Variants in MAGI2 observed in about 807,000 individuals in gnomAD.
MAGI2 encodes membrane associated guanylate kinase, WW and PDZ domain containing 2.
MAGI2 carries 35 observed loss-of-function variants against 133.3 expected under a neutral mutation model. The observed-to-expected ratio is 0.26, with a 90% CI of 0.20 to 0.35. MAGI2 has a LOEUF of 0.35. Among genes scored for constraint, MAGI2 ranks in the 10% least tolerant of loss-of-function variants. MAGI2 has a pLI of 1.00. For synonymous variants in MAGI2, 729 were observed against 710.6 expected (o/e 1.03, Z -0.41); for missense variants, 1,636 against 1,863.4 (o/e 0.88, Z 2.25).
chr7:78,275,475 TCAG>T (rs1794972537), intron 9 of MAGI2, among the ~76,000 whole-genome samples: 1 of 33,792 alleles, frequency 3.0e-5, no homozygotes, highest in African/African-American at 7.2e-4. Context: ...GGAGAATCAC[TCAG>T]TGACAGAATT....
chr7:79,158,816 G>A (rs1824068112), intron 1 of MAGI2, among the ~76,000 whole-genome samples: 1 of 151,888 alleles, frequency 6.6e-6, no homozygotes, highest in Admixed American at 6.6e-5. Context: ...TGGAATAAAT[G>A]CTTGAAACAA....
chr7:79,127,885 C>T (rs1820572125), intron 1 of MAGI2, among the ~76,000 whole-genome samples: 2 of 152,158 alleles, frequency 1.3e-5, no homozygotes, highest in Non-Finnish European at 2.9e-5. Flanking sequence ...ATGCCTATGT[C>T]CTGAATGGTA....
At chr7:78,743,870 T>C (rs187110928) in intron 2 of MAGI2, among the ~76,000 whole-genome samples, 100 of 152,156 alleles carry the variant, frequency 6.6e-4, no homozygotes, top group Middle Eastern at 6.8e-3. Context: ...TACCATTCCA[T>C]TTTTTTTCCT....
intron 10 of MAGI2, among the ~76,000 whole-genome samples, chr7:78,241,618 C>T (rs1791145515): frequency 6.6e-6 from 1 of 152,180 alleles, no homozygotes; most frequent in Admixed American, 6.5e-5. Context: ...GAATAAATCA[C>T]ATCACTATAT....
At chr7:78,768,788 T>C (rs747169764) in intron 2 of MAGI2, among the ~76,000 whole-genome samples, 10 of 152,204 alleles carry the variant, frequency 6.6e-5, no homozygotes, top group Admixed American at 4.6e-4. Context: ...ATGCACATAC[T>C]ATTGCACTAT....
chr7:79,418,405 T>C (rs935128025), intron 1 of MAGI2, among the ~76,000 whole-genome samples: 1 of 152,102 alleles, frequency 6.6e-6, no homozygotes, highest in African/African-American at 2.4e-5. Flanking sequence ...TAACTCTGGA[T>C]GTTTACATAT....
chr7:79,095,628 T>G (rs1817451559), intron 1 of MAGI2, among the ~76,000 whole-genome samples: 1 of 152,128 alleles, frequency 6.6e-6, no homozygotes, highest in African/African-American at 2.4e-5. Context: ...AAGAGTGAGA[T>G]AAAGATGGAG....
chr7:78,278,833 C>T (rs911287147), intron 9 of MAGI2, among the ~76,000 whole-genome samples: 3 of 152,218 alleles, frequency 2.0e-5, no homozygotes, highest in East Asian at 1.9e-4. Context: ...CCAGCCCTCA[C>T]GATTTGTGTG....
At chr7:79,259,266 G>A (rs111975874) in intron 1 of MAGI2, among the ~76,000 whole-genome samples, 5,266 of 152,254 alleles carry the variant, frequency 0.035, 139 homozygotes, top group African/African-American at 0.065. Context: ...TTTCTGCAAT[G>A]TTGTAGGAAT....
At chr7:78,889,670 G>A (rs944807426) in intron 2 of MAGI2, among the ~76,000 whole-genome samples, 2 of 152,094 alleles carry the variant, frequency 1.3e-5, no homozygotes, top group Non-Finnish European at 2.9e-5. Context: ...TTACAGACAA[G>A]CAAATACTGA....
intron 1 of MAGI2, among the ~76,000 whole-genome samples, chr7:79,194,331 A>G (rs1248782860): frequency 6.6e-6 from 1 of 152,026 alleles, no homozygotes; most frequent in East Asian, 1.9e-4. Context: ...GTTCTACTAG[A>G]AAATATTAAT....
chr7:78,520,570 C>G (rs1300443865), intron 4 of MAGI2, among the ~76,000 whole-genome samples: 1 of 151,458 alleles, frequency 6.6e-6, no homozygotes, highest in Non-Finnish European at 1.5e-5. Flanking sequence ...TGCTATGCTA[C>G]CATTAAAAAA....
chr7:79,073,729 G>A (rs1028863963), intron 1 of MAGI2, among the ~76,000 whole-genome samples: 1 of 151,498 alleles, frequency 6.6e-6, no homozygotes, highest in African/African-American at 2.4e-5. Flanking sequence ...ATAAAGACCT[G>A]CATGATCTGG....
chr7:78,260,934 A>C (rs1232295225), intron 9 of MAGI2, among the ~76,000 whole-genome samples: 2 of 152,152 alleles, frequency 1.3e-5, no homozygotes, highest in East Asian at 3.8e-4. Context: ...ATCATTTTGG[A>C]TAAAATAGGG....
chr7:78,819,713 A>T (rs61224550), intron 2 of MAGI2, among the ~76,000 whole-genome samples: 4,888 of 152,102 alleles, frequency 0.032, 194 homozygotes, highest in African/African-American at 0.085. Context: ...GATCTAGGAC[A>T]TACGTCTCTA....
intron 1 of MAGI2, among the ~76,000 whole-genome samples, chr7:79,229,237 G>C (rs1002265675): frequency 6.6e-6 from 1 of 151,688 alleles, no homozygotes; most frequent in Non-Finnish European, 1.5e-5. Flanking sequence ...GCTTGCTTCT[G>C]ACGTGATATC....
chr7:79,422,243 A>G (rs985907328), intron 1 of MAGI2, among the ~76,000 whole-genome samples: 2 of 152,012 alleles, frequency 1.3e-5, no homozygotes, highest in African/African-American at 4.8e-5. Flanking sequence ...CCACTCTGTC[A>G]AGCAAATTAG....
intron 1 of MAGI2, among the ~76,000 whole-genome samples, chr7:79,291,445 T>G (rs1477887213): frequency 2.0e-5 from 3 of 152,158 alleles, no homozygotes; most frequent in Admixed American, 6.5e-5. Context: ...GTGGAATTAC[T>G]GGGTCTTATG....
At chr7:79,402,849 C>T (rs67945427) in intron 1 of MAGI2, among the ~76,000 whole-genome samples, 22,920 of 152,040 alleles carry the variant, frequency 0.15, 1,911 homozygotes, top group East Asian at 0.29. Flanking sequence ...AATTCCATAA[C>T]TTTCCATGGG....
Sources: allele counts gnomAD v4.1 joint callset (sites outside exome capture counted in the v4.1 genomes callset), GRCh38; gene constraint gnomAD v4.1.1; transcripts MANE v1.5; gene names NCBI Gene and HGNC (gene_info 2026-07-23, HGNC 2026-07-21).